Variants in SLC25A13 observed in about 807,000 individuals in gnomAD.
SLC25A13 encodes the protein electrogenic aspartate/glutamate antiporter SLC25A13, mitochondrial.
Under a neutral mutation model 85.5 loss-of-function variants are expected in SLC25A13, and 70 were observed. The observed-to-expected ratio is 0.82, with a 90% CI of 0.68 to 1.00. The LOEUF (loss-of-function observed/expected upper bound fraction) is 1.00. SLC25A13 is among the 50% of genes least tolerant of loss of function. The pLI is 0.00. For synonymous variants in SLC25A13, 259 were observed against 288.7 expected (o/e 0.90, Z 1.04); for missense variants, 765 against 819.8 (o/e 0.93, Z 0.82).
At chr7:96,319,557 A>AG (rs1209312006) in intron 1 of SLC25A13, among the ~76,000 whole-genome samples, 1 of 151,228 alleles carries the variant, frequency 6.6e-6, no homozygotes, top group Non-Finnish European at 1.5e-5. Flanking sequence ...AAAAAAAAAA[A>AG]AAAAACTGCT....
intron 13 of SLC25A13, among the ~76,000 whole-genome samples, chr7:96,153,841 T>TA (rs1793143243): frequency 6.6e-6 from 1 of 152,198 alleles, no homozygotes; most frequent in African/African-American, 2.4e-5. Context: ...AAAGAAATCT[T>TA]ACATATTTTT....
intron 14 of SLC25A13, among the ~76,000 whole-genome samples, chr7:96,145,936 T>TA (rs1410443469): frequency 2.6e-5 from 4 of 152,180 alleles, no homozygotes; most frequent in Non-Finnish European, 5.9e-5. Context: ...AATGTTTTTT[T>TA]AAAAAATTCT....
At chr7:96,241,857 C>T (rs558834747) in intron 3 of SLC25A13, among the ~76,000 whole-genome samples, 3 of 152,144 alleles carry the variant, frequency 2.0e-5, no homozygotes, top group Non-Finnish European at 2.9e-5. Flanking sequence ...ATCACACTAA[C>T]GGACAACCTC....
Position 96,170,132 on chromosome 7 carries a change from G to T in SLC25A13, c.1231-7C>A. 6.2e-7 allele frequency: 1 copy of T among 1,612,924 alleles called. No individual in the cohort carries two copies. The highest frequency in any genetic ancestry group is 1.1e-5 in the South Asian group (1 of 91,034). ...CCCTCACAAAATCGTTCACCTTGAAGAAAAATATTTATAGAAGCTGATGAA... is the reference window on the plus strand; with the variant it reads ...CCCTCACAAAATCGTTCACCTTGAATAAAAATATTTATAGAAGCTGATGAA... On this transcript the variant is annotated splice_polypyrimidine_tract_variant and splice_region_variant and intron_variant, in intron 12 of 17. Transcript: ENST00000265631.
At chr7:96,239,025 TGAC>T (rs1796856618) in intron 3 of SLC25A13, among the ~76,000 whole-genome samples, 4 of 126,772 alleles carry the variant, frequency 3.2e-5, no homozygotes, top group African/African-American at 1.2e-4. Flanking sequence ...ATTATATATA[TGAC>T]TATATATTTT....
At position 96,171,365 on chromosome 7, in the gene SLC25A13, C is replaced by A. The variant is rs937473408; in HGVS notation, c.1230+107G>T. On this transcript the variant is annotated intron_variant, in intron 12 of 17. Coordinates refer to ENST00000265631, the MANE Select transcript of SLC25A13 (RefSeq NM_014251.3). ...GTGAGTTCCCCTGCTTTCAAATTAG[C>A]TAGCACCTCTGAGAAAACAAACCTG... 6.5e-5 allele frequency: 64 copies of A among 981,692 alleles called. 1 individual carries two copies. Among genetic ancestry groups the A allele is most frequent in the Non-Finnish European group, 8.1e-6 (5 of 616,842 alleles). The allele number at this position is 981,692 out of a possible 1,614,324, so 60.8% of individuals were successfully genotyped here.
intron 1 of SLC25A13, among the ~76,000 whole-genome samples, chr7:96,300,258 A>G (rs1799503668): frequency 6.6e-6 from 1 of 152,026 alleles, no homozygotes; most frequent in Non-Finnish European, 1.5e-5. Context: ...AAAAAAAAAG[A>G]ACATGGCCTT....
chr7:96,147,006 C>A (rs925440974), intron 13 of SLC25A13, among the ~76,000 whole-genome samples: 1 of 151,996 alleles, frequency 6.6e-6, no homozygotes, highest in African/African-American at 2.4e-5. Flanking sequence ...ACTGCCACCA[C>A]AGGACTCAAA....
chr7:96,226,134 A>G (rs1233736530), intron 4 of SLC25A13, among the ~76,000 whole-genome samples: 1 of 152,182 alleles, frequency 6.6e-6, no homozygotes, highest in Non-Finnish European at 1.5e-5. Flanking sequence ...GAACTTACTC[A>G]TCTTGCTTAA....
intron 3 of SLC25A13, among the ~76,000 whole-genome samples, chr7:96,250,938 G>A (rs1023473665): frequency 6.6e-6 from 1 of 152,060 alleles, no homozygotes; most frequent in Non-Finnish European, 1.5e-5. Flanking sequence ...CTTATGGAGT[G>A]CTACTATGTG....
intron 13 of SLC25A13, among the ~76,000 whole-genome samples, chr7:96,168,535 C>T (rs1793867191): frequency 6.6e-6 from 1 of 152,106 alleles, no homozygotes; most frequent in South Asian, 2.1e-4. Flanking sequence ...ACAGATGGCA[C>T]CTAGAAAATA....
Position 96,184,325 on chromosome 7 carries a change from A to G in SLC25A13, c.1129T>C (p.Cys377Arg), listed in dbSNP as rs1198225307. 6.2e-7 allele frequency: 1 copy of G among 1,614,098 alleles called. No homozygotes were observed. Among genetic ancestry groups the G allele is most frequent in the Non-Finnish European group, 8.5e-7 (1 of 1,180,036 alleles). Residue 377 changes from cysteine to arginine, a missense_variant, in exon 11 of 18, where the codon TGT (cysteine) becomes CGT (arginine). Cys to Arg is a radical substitution (Grantham distance 180). Coordinates refer to ENST00000265631, the MANE Select transcript of SLC25A13 (RefSeq NM_014251.3). ...TCATAGCGTAGCACTTTCTTAAAAC[A>G]GTCAAAGCTGTTTTTATACATGAGT... is the stretch of plus-strand genomic sequence containing the variant. ...GELMYKNSFD[C>R]FKKVLRYEGF...
intron 5 of SLC25A13, among the ~76,000 whole-genome samples, chr7:96,196,005 T>G (rs1405918066): frequency 6.6e-6 from 1 of 152,234 alleles, no homozygotes; most frequent in Non-Finnish European, 1.5e-5. Context: ...AGCATCTACT[T>G]ACATTTATAC....
At position 96,157,730 on chromosome 7, in the gene SLC25A13, G is replaced by A. The variant is rs147758531; in HGVS notation, c.1312-11034C>T. 2.2e-3 allele frequency among the ~76,000 whole-genome samples: 342 copies of A among 152,248 alleles called. 1 individual carries two copies. Among genetic ancestry groups the A allele is most frequent in the African/African-American group, 7.9e-3 (330 of 41,546 alleles). ...GAGGCAGAATTGCTTGAACCCAGGA[G>A]GCGGAGGTTACAGTGAGCCAAGATT... On this transcript the variant is annotated intron_variant, in intron 13 of 17. Coordinates refer to ENST00000265631, the MANE Select transcript of SLC25A13 (RefSeq NM_014251.3).
At chr7:96,273,595 G>C (rs546883054) in intron 3 of SLC25A13, among the ~76,000 whole-genome samples, 49 of 152,300 alleles carry the variant, frequency 3.2e-4, no homozygotes, top group South Asian at 1.4e-3. Context: ...GAAATTATGT[G>C]TGTACGTGTT....
rs560212384 is a variant in SLC25A13 at position 96,152,587 on chromosome 7, G to A, written c.1312-5891C>T. ...AATAGGAACAAAGTGTTGGAAAGACGAATAATGACACATTCAGAAGGCAGT... is the reference window on the plus strand; with the variant it reads ...AATAGGAACAAAGTGTTGGAAAGACAAATAATGACACATTCAGAAGGCAGT... On this transcript the variant is annotated intron_variant, in intron 13 of 17. Transcript: ENST00000265631. Among the ~76,000 whole-genome samples, 14 of 152,256 alleles carry A rather than the reference G, an allele frequency of 9.2e-5. No individual in the cohort carries two copies. In the South Asian group the frequency reaches 1.9e-3, roughly 20 times the overall value.
intron 11 of SLC25A13, among the ~76,000 whole-genome samples, chr7:96,178,814 C>T (rs753902176): frequency 1.3e-5 from 2 of 152,188 alleles, no homozygotes; most frequent in Non-Finnish European, 2.9e-5. Flanking sequence ...GCTTTTGACT[C>T]AGATTGCCCC....
intron 5 of SLC25A13, among the ~76,000 whole-genome samples, chr7:96,198,723 A>G (rs902616105): frequency 3.3e-5 from 5 of 152,232 alleles, no homozygotes; most frequent in Admixed American, 2.0e-4. Flanking sequence ...AGGGGGTCAT[A>G]ACTAGATTTG....
At position 96,258,959 on chromosome 7, in the gene SLC25A13, C is replaced by T. The variant is rs536747557; in HGVS notation, c.212+18237G>A. On this transcript the variant is annotated intron_variant, in intron 3 of 17. Transcript: ENST00000265631. Reference sequence around the variant, plus strand: ...TGACAAACCTGACAAAAACAAGAAACGGGGAAAGGATTCTCTATTTAATAA... The same window carrying T: ...TGACAAACCTGACAAAAACAAGAAATGGGGAAAGGATTCTCTATTTAATAA... 9.4e-4 allele frequency among the ~76,000 whole-genome samples: 143 copies of T among 152,098 alleles called. 1 individual carries two copies. The highest frequency in any genetic ancestry group is 5.2e-3 in the Admixed American group (80 of 15,254).
Sources: allele counts gnomAD v4.1 joint callset (sites outside exome capture counted in the v4.1 genomes callset), GRCh38; gene constraint gnomAD v4.1.1; transcripts MANE v1.5; gene names NCBI Gene and HGNC (gene_info 2026-07-23, HGNC 2026-07-21).